Variants in PRKG1 observed in about 807,000 individuals in gnomAD.
PRKG1 encodes the protein protein kinase cGMP-dependent 1.
In PRKG1, 35 loss-of-function variants were observed where a neutral mutation model predicts 88.1. That is an observed-to-expected ratio of 0.40 (90% CI 0.30 to 0.53). The LOEUF (loss-of-function observed/expected upper bound fraction) is 0.53, where lower values mean the gene tolerates loss of function less well. PRKG1 is among the 20% of genes least tolerant of loss of function. PRKG1 has a pLI of 0.59. For missense variants in PRKG1, 540 were observed against 839.8 expected, an observed-to-expected ratio of 0.64 and a Z score of 4.41; for synonymous variants, 303 against 292.5, an observed-to-expected ratio of 1.04 and a Z score of -0.37.
At chr10:51,553,772 A>T in intron 3 of PRKG1, among the ~76,000 whole-genome samples, 1 of 131,820 alleles carries the variant, frequency 7.6e-6, no homozygotes, top group South Asian at 2.5e-4. Context: ...CGTGTATATA[A>T]TATATGTATA....
chr10:51,605,000 A>C (rs1164737458), intron 3 of PRKG1, among the ~76,000 whole-genome samples: 2 of 152,164 alleles, frequency 1.3e-5, no homozygotes, highest in Non-Finnish European at 2.9e-5. Flanking sequence ...GGTTTGATTG[A>C]GTAGTGGAGG....
chr10:51,633,071 A>G (rs922130455), intron 3 of PRKG1, among the ~76,000 whole-genome samples: 2 of 152,188 alleles, frequency 1.3e-5, no homozygotes, highest in Non-Finnish European at 2.9e-5. Flanking sequence ...GCTAATCAGC[A>G]AGTGATTCTG....
At chr10:51,263,144 C>T (rs1212227362) in intron 2 of PRKG1, among the ~76,000 whole-genome samples, 1 of 152,186 alleles carries the variant, frequency 6.6e-6, no homozygotes, top group Admixed American at 6.5e-5. Context: ...CATTGATAAA[C>T]TTGGTGTGGT....
intron 2 of PRKG1, chr10:51,306,551 C>CGG (rs1018775006): frequency 3.3e-5 from 5 of 152,076 alleles, no homozygotes; most frequent in African/African-American, 1.2e-4. Context: ...AGATGCTAAT[C>CGG]GGCTTTCTCT....
chr10:51,592,690 T>C (rs1052265163), intron 3 of PRKG1, among the ~76,000 whole-genome samples: 12 of 152,298 alleles, frequency 7.9e-5, no homozygotes, highest in African/African-American at 2.9e-4. Flanking sequence ...ATATAAATTA[T>C]TGGCTAATCA....
chr10:51,827,946 T>C (rs762679443), intron 4 of PRKG1, among the ~76,000 whole-genome samples: 4 of 152,142 alleles, frequency 2.6e-5, no homozygotes, highest in Non-Finnish European at 4.4e-5. Flanking sequence ...TTATTTATGA[T>C]AATTAGAACT....
At chr10:52,032,377 T>G (rs1295725062) in intron 5 of PRKG1, among the ~76,000 whole-genome samples, 1 of 152,226 alleles carries the variant, frequency 6.6e-6, no homozygotes, top group African/African-American at 2.4e-5. Context: ...TTATTCAACC[T>G]GTTCAAGTTT....
At chr10:51,006,612 C>G (rs1275362914) in intron 1 of PRKG1, among the ~76,000 whole-genome samples, 3 of 152,184 alleles carry the variant, frequency 2.0e-5, no homozygotes, top group Non-Finnish European at 4.4e-5. Context: ...TCCTGAATCA[C>G]AGATGGTACT....
intron 3 of PRKG1, among the ~76,000 whole-genome samples, chr10:51,592,006 G>T (rs1205839215): frequency 1.3e-5 from 2 of 152,136 alleles, no homozygotes; most frequent in African/African-American, 4.8e-5. Context: ...CTTCTAATTT[G>T]CCTTGCTAAT....
chr10:51,631,481 G>A (rs997480220), intron 3 of PRKG1, among the ~76,000 whole-genome samples: 1 of 152,178 alleles, frequency 6.6e-6, no homozygotes, highest in African/African-American at 2.4e-5. Flanking sequence ...TATAAAGCCT[G>A]CCACCAGATG....
At chr10:51,910,939 G>C (rs948025771) in intron 5 of PRKG1, 11 of 152,160 alleles carry the variant, frequency 7.2e-5, no homozygotes, top group African/African-American at 2.7e-4. Flanking sequence ...TAGAAAGATA[G>C]TGAAAATGCT....
intron 4 of PRKG1, among the ~76,000 whole-genome samples, chr10:51,854,097 G>T (rs1358226669): frequency 6.6e-6 from 1 of 151,940 alleles, no homozygotes; most frequent in Non-Finnish European, 1.5e-5. Flanking sequence ...TCATTAATGG[G>T]GAGCAAAATT....
intron 5 of PRKG1, among the ~76,000 whole-genome samples, chr10:51,921,119 A>G (rs541205864): frequency 6.6e-6 from 1 of 152,188 alleles, no homozygotes; most frequent in South Asian, 2.1e-4. Flanking sequence ...CACTGCCCTA[A>G]AAATCCTCTT....
At chr10:51,252,401 A>G (rs903787797) in intron 2 of PRKG1, among the ~76,000 whole-genome samples, 7 of 151,808 alleles carry the variant, frequency 4.6e-5, no homozygotes, top group Non-Finnish European at 8.8e-5. Context: ...TGTTTTTTAT[A>G]ATAGAGAGCT....
chr10:51,349,476 GTGTGTGTA>G (rs1194952690), intron 2 of PRKG1, among the ~76,000 whole-genome samples: 14 of 149,856 alleles, frequency 9.3e-5, no homozygotes, highest in Admixed American at 3.3e-4. Flanking sequence ...GTGTGTGTGT[GTGTGTGTA>G]TGTGTGTGTG....
At chr10:51,966,947 T>C (rs1049476912) in intron 5 of PRKG1, among the ~76,000 whole-genome samples, 1 of 152,090 alleles carries the variant, frequency 6.6e-6, no homozygotes, top group Non-Finnish European at 1.5e-5. Flanking sequence ...AAGGAACACA[T>C]TTACACTGTT....
intron 4 of PRKG1, among the ~76,000 whole-genome samples, chr10:51,812,402 G>A (rs568313705): frequency 5.3e-5 from 8 of 152,188 alleles, no homozygotes; most frequent in Non-Finnish European, 8.8e-5. Context: ...TGTGCGATGC[G>A]TGGGCAGGCA....
At chr10:52,193,565 A>AAAC (rs1839426749) in intron 9 of PRKG1, among the ~76,000 whole-genome samples, 1 of 139,524 alleles carries the variant, frequency 7.2e-6, no homozygotes, top group East Asian at 2.0e-4. Context: ...AAAAAAAACA[A>AAAC]AAAAAAAAAA....
chr10:52,100,501 G>C (rs1224734545), intron 7 of PRKG1, among the ~76,000 whole-genome samples: 1 of 152,178 alleles, frequency 6.6e-6, no homozygotes, highest in South Asian at 2.1e-4. Context: ...CCACACCGAA[G>C]GGTTAAATGC....
Sources: gnomAD v4.1 joint callset for allele counts (sites outside exome capture counted in the v4.1 genomes callset) on GRCh38, gnomAD v4.1.1 for gene constraint, MANE v1.5 for transcripts, NCBI Gene and HGNC (gene_info 2026-07-23, HGNC 2026-07-21) for gene names.